Variants in TFR2 observed in about 807,000 individuals in gnomAD.
TFR2 encodes the protein transferrin receptor 2.
TFR2 carries 64 observed loss-of-function variants against 91.9 expected under a neutral mutation model. The observed-to-expected ratio is 0.70, with a 90% CI of 0.57 to 0.86. The LOEUF (loss-of-function observed/expected upper bound fraction) is 0.86, where lower values mean the gene tolerates loss of function less well. Among genes scored for constraint, TFR2 ranks in the 40% least tolerant of loss-of-function variants. The pLI is 0.00. For synonymous variants in TFR2, 454 were observed against 459.6 expected, an observed-to-expected ratio of 0.99 and a Z score of 0.15; for missense variants, 950 against 1,080.5, an observed-to-expected ratio of 0.88 and a Z score of 1.69.
At chr7:100,628,932 A>G (rs1283634392) in intron 10 of TFR2, among the ~76,000 whole-genome samples, 1 of 151,532 alleles carries the variant, frequency 6.6e-6, no homozygotes, top group Non-Finnish European at 1.5e-5. Flanking sequence ...ACGCCTGGCT[A>G]ATTTTTGTAT....
rs60473539 is a variant in TFR2 at position 100,635,432 on chromosome 7, AATT to A, written c.474-1879_474-1877del. Among the ~76,000 whole-genome samples, 832 of 143,438 alleles carry A rather than the reference AATT, an allele frequency of 5.8e-3. 7 individuals carry two copies. Among genetic ancestry groups the A allele is most frequent in the Non-Finnish European group, 8.1e-3 (536 of 66,048 alleles). The allele number at this position is 143,438 out of a possible 152,430, so 94.1% of individuals were successfully genotyped here. On this transcript the variant is annotated intron_variant, in intron 3 of 17. Transcript: ENST00000223051. ...AATTTTTTATTTTTCTTTTTTAAAA[AATT>A]ATTATTATTATTATTATTATTATTT...
intron 8 of TFR2, 128 bp from the exon 9 acceptor site, chr7:100,631,180 G>C (rs1490027512): frequency 8.9e-7 from 1 of 1,120,528 alleles, no homozygotes; most frequent in Non-Finnish European, 1.2e-6. Context: ...ACGCTGCCTG[G>C]GTAGGGCAGT....
intron 8 of TFR2, 55 bp downstream of exon 8, chr7:100,631,751 C>A (rs1189469997): frequency 2.5e-6 from 4 of 1,584,464 alleles, no homozygotes; most frequent in South Asian, 1.2e-5. Flanking sequence ...TGTGGCCTCG[C>A]TGCAGCCTTC....
intron 3 of TFR2, among the ~76,000 whole-genome samples, chr7:100,637,217 T>C (rs2131324485): frequency 6.6e-6 from 1 of 152,096 alleles, no homozygotes; most frequent in South Asian, 2.1e-4. Context: ...CTGACCAACA[T>C]GGAGAAACCC....
intron 3 of TFR2, among the ~76,000 whole-genome samples, chr7:100,634,096 C>A (rs1803526922): frequency 6.6e-6 from 1 of 151,778 alleles, no homozygotes; most frequent in African/African-American, 2.4e-5. Flanking sequence ...CTTCCCATAG[C>A]TGGGGGTCCT....
intron 17 of TFR2, among the ~76,000 whole-genome samples, chr7:100,626,018 C>G (rs540058991): frequency 3.3e-5 from 5 of 152,176 alleles, no homozygotes; most frequent in African/African-American, 4.8e-5. Flanking sequence ...ACAAGTGGCT[C>G]TGTGTACACT....
chr7:100,623,895 A>T (rs1316691698), intron 17 of TFR2, among the ~76,000 whole-genome samples: 1 of 149,958 alleles, frequency 6.7e-6, no homozygotes, highest in Non-Finnish European at 1.5e-5. Context: ...ACCAAAAAAA[A>T]AAAAAAAAAA....
At position 100,626,850 on chromosome 7, in the gene TFR2, C is replaced by G; in HGVS notation, c.2049G>C (p.Arg683=). The change falls in exon 17 of 18, where the codon CGG becomes CGC. Residue 683 remains arginine (R), a synonymous_variant. Coordinates refer to ENST00000223051, the MANE Select transcript of TFR2 (RefSeq NM_003227.4). ...WVYSARGDYI[R]AAEKLRQEIY... The stretch of plus-strand genomic sequence containing the variant: ...TCTCCTGCCGCAGCTTTTCCGCCGC[C>G]CGGATGTAGTCCCCCCGCGCCGAGT... 1 of 1,549,240 alleles carries G rather than the reference C, an allele frequency of 6.5e-7. No homozygotes were observed. Among genetic ancestry groups the G allele is most frequent in the Non-Finnish European group, 8.7e-7 (1 of 1,147,138 alleles).
chr7:100,622,905 G>A (rs944487666), intron 17 of TFR2, among the ~76,000 whole-genome samples: 2 of 152,174 alleles, frequency 1.3e-5, no homozygotes, highest in Admixed American at 6.6e-5. Context: ...GTTGCAGTGA[G>A]CCAAGATCGT....
rs56033226 is a variant in TFR2 at position 100,630,203 on chromosome 7, T to TCTTCCTTCCTTCCTTCCTTC, written c.1270+666_1270+685dup. On this transcript the variant is annotated intron_variant, in intron 9 of 17. Coordinates refer to ENST00000223051, the MANE Select transcript of TFR2 (RefSeq NM_003227.4). ...ATCTGATCTTTCTTTCATGCTTGAG[T>TCTTCCTTCCTTCCTTCCTTC]CTTCCTTCCTTCCTTCCTTCCTTCC... 4.5e-4 allele frequency among the ~76,000 whole-genome samples: 67 copies of TCTTCCTTCCTTCCTTCCTTC among 149,750 alleles called. 1 individual carries two copies. The highest frequency in any genetic ancestry group is 6.9e-3 in the Middle Eastern group (2 of 290).
intron 8 of TFR2, 100 bp downstream of exon 8, chr7:100,631,704 CAA>C: frequency 1.3e-6 from 2 of 1,508,430 alleles, no homozygotes; most frequent in Non-Finnish European, 1.8e-6. Flanking sequence ...CAGGCTTAAA[CAA>C]GAGTCACCTT....
chr7:100,627,538 G>A (rs1803300279), intron 15 of TFR2, 39 bp downstream of exon 15: 2 of 1,613,938 alleles, frequency 1.2e-6, no homozygotes, highest in East Asian at 4.5e-5. Flanking sequence ...CAGGCTGAAG[G>A]ACTAGCGCTG....
In TFR2 at chr7:100,633,518, C is replaced by T; in HGVS notation, c.512G>A (p.Gly171Glu). Residue 171 changes from glycine (G) to glutamate (E), a missense_variant, in exon 4 of 18, where the codon GGG (glycine) becomes GAG (glutamate). Physicochemically the swap from Gly to Glu is moderately conservative, Grantham distance 98. Coordinates refer to ENST00000223051, the MANE Select transcript of TFR2 (RefSeq NM_003227.4). ...SLRERVAGSA[G>E]MAALTQDIRA... ...AATGTCCTGAGTCAGAGCGGCCATC[C>T]CGGCCGAGCCTGCCACCCGTTCCCG... 1 of 1,608,956 alleles carries T rather than the reference C, an allele frequency of 6.2e-7. No individual in the cohort carries two copies. The highest frequency in any genetic ancestry group is 8.5e-7 in the Non-Finnish European group (1 of 1,179,776).
chr7:100,631,643 G>T (rs1465234396), intron 8 of TFR2, 163 bp downstream of exon 8: 4 of 932,044 alleles, frequency 4.3e-6, no homozygotes, highest in Non-Finnish European at 6.1e-6. Flanking sequence ...AAAAGGTCAG[G>T]GTCTCTCTGT....
rs199725911 is a variant in TFR2 at position 100,629,282 on chromosome 7, A to G, written c.1361T>C (p.Val454Ala). 72 of 1,614,060 alleles carry G rather than the reference A, an allele frequency of 4.5e-5. No homozygotes were observed. In the African/African-American group the frequency reaches 5.5e-4, roughly 12 times the overall value. ...GCTCACCATGGAGGAAAAGGTCCGC[A>G]CCAGCTCCAGGAGTATAGCCGTCCC... Reference protein sequence around the residue: ...AVGTAILLELVRTFSSMVSNG... With the variant: ...AVGTAILLELARTFSSMVSNG... Residue 454 changes from valine (V) to alanine (A), a missense_variant, in exon 10 of 18, where the codon GTG (valine) becomes GCG (alanine). Coordinates refer to ENST00000223051, the MANE Select transcript of TFR2 (RefSeq NM_003227.4).
At chr7:100,632,470 C>T (rs1328353715) in intron 6 of TFR2, among the ~76,000 whole-genome samples, 1 of 151,916 alleles carries the variant, frequency 6.6e-6, no homozygotes, top group South Asian at 2.1e-4. Flanking sequence ...TTTCTTTTTT[C>T]CTTCTGATTC....
intron 6 of TFR2, among the ~76,000 whole-genome samples, chr7:100,632,414 T>TC (rs1472537431): frequency 6.6e-6 from 1 of 151,928 alleles, no homozygotes; most frequent in African/African-American, 2.4e-5. Context: ...TCTGTTCCCT[T>TC]CCCCATCTGA....
chr7:100,631,230 G>T (rs1291427817), intron 8 of TFR2, among the ~76,000 whole-genome samples, 178 bp from the exon 9 acceptor site: 7 of 151,928 alleles, frequency 4.6e-5, no homozygotes, highest in Admixed American at 4.6e-4. Context: ...GCTGAGGTAG[G>T]TGTGCAATCC....
rs779112569 is a variant in TFR2 at position 100,633,134 on chromosome 7, G to C, written c.727-11C>G. Reference sequence around the variant, plus strand: ...GTACACCAGCTCTCCCTGGGGACACGAGGACGGTGAGGCGCGCTCCCCGCG... The same window carrying C: ...GTACACCAGCTCTCCCTGGGGACACCAGGACGGTGAGGCGCGCTCCCCGCG... On this transcript the variant is annotated splice_polypyrimidine_tract_variant and intron_variant, in intron 5 of 17. Transcript: ENST00000223051. 4.3e-6 allele frequency: 7 copies of C among 1,613,280 alleles called. No individual in the cohort carries two copies. The highest frequency in any genetic ancestry group is 3.3e-5 in the South Asian group (3 of 91,064).
Sources: allele counts gnomAD v4.1 joint callset (sites outside exome capture counted in the v4.1 genomes callset), GRCh38; gene constraint gnomAD v4.1.1; transcripts MANE v1.5; gene names NCBI Gene and HGNC (gene_info 2026-07-23, HGNC 2026-07-21).